The following SYNJ1 variants were observed in gnomAD, a reference collection of about 807,000 sequenced individuals.
The protein encoded by SYNJ1 is polyphosphatidylinositol phosphatase SYNJ1.
In SYNJ1, 78 loss-of-function variants were observed where a neutral mutation model predicts 168.2. That is an observed-to-expected ratio of 0.46 (90% CI 0.39 to 0.56). The LOEUF (loss-of-function observed/expected upper bound fraction) is 0.56, where lower values mean the gene tolerates loss of function less well. Ranked by LOEUF, SYNJ1 falls within the 20% of genes least tolerant of loss-of-function variation. The pLI is 0.00. For missense variants in SYNJ1, 1,303 were observed against 1,597.6 expected (o/e 0.82, Z 3.14); for synonymous variants, 539 against 548.6 (o/e 0.98, Z 0.24).
intron 18 of SYNJ1, among the ~76,000 whole-genome samples, chr21:32,660,819 G>T (rs991677065): frequency 6.6e-6 from 1 of 152,194 alleles, no homozygotes; most frequent in African/African-American, 2.4e-5. Flanking sequence ...CTAGGGGAAA[G>T]GACATAAAAT....
At chr21:32,694,205 A>C (rs923656247) in intron 6 of SYNJ1, 23 bp downstream of exon 6, 1 of 1,506,672 alleles carries the variant, frequency 6.6e-7, no homozygotes, top group Non-Finnish European at 8.8e-7. Context: ...AAAAACAAAA[A>C]TAACTGAATG....
At chr21:32,660,619 T>G (rs528964203) in intron 18 of SYNJ1, among the ~76,000 whole-genome samples, 3 of 152,208 alleles carry the variant, frequency 2.0e-5, no homozygotes, top group Admixed American at 6.5e-5. Context: ...GGTGGTAACT[T>G]TGAACGCTGT....
intron 5 of SYNJ1, 41 bp from the exon 6 acceptor site, chr21:32,694,352 A>C (rs2042130428): frequency 6.8e-7 from 1 of 1,460,538 alleles, no homozygotes; most frequent in Non-Finnish European, 9.2e-7. Context: ...TTCCACAGAA[A>C]AGTTGTTACA....
chr21:32,715,127 G>A (rs1255592262), intron 2 of SYNJ1, among the ~76,000 whole-genome samples: 1 of 152,060 alleles, frequency 6.6e-6, no homozygotes, highest in Non-Finnish European at 1.5e-5. Context: ...GAGCACTAAG[G>A]TACAACCAGC....
chr21:32,693,372 C>T (rs1008496894), intron 6 of SYNJ1, among the ~76,000 whole-genome samples: 1 of 152,146 alleles, frequency 6.6e-6, no homozygotes. Flanking sequence ...AGAATTTTTG[C>T]AGAGCAGTAG....
chr21:32,723,568 A>C (rs937736892), intron 2 of SYNJ1, among the ~76,000 whole-genome samples: 6 of 152,210 alleles, frequency 3.9e-5, no homozygotes, highest in African/African-American at 1.4e-4. Flanking sequence ...CTGTAATCCC[A>C]ATACTTTGGG....
At chr21:32,709,292 C>T (rs1056478301) in intron 2 of SYNJ1, among the ~76,000 whole-genome samples, 4 of 151,868 alleles carry the variant, frequency 2.6e-5, no homozygotes, top group Non-Finnish European at 5.9e-5. Flanking sequence ...TTGAAACCAG[C>T]ATGGTGAAAC....
At chr21:32,671,740 C>T (rs1225463188) in intron 14 of SYNJ1, among the ~76,000 whole-genome samples, 1 of 152,072 alleles carries the variant, frequency 6.6e-6, no homozygotes, top group African/African-American at 2.4e-5. Context: ...ATCACAACTT[C>T]AAGTTAGGTT....
At chr21:32,711,649 C>G (rs1348297239) in intron 2 of SYNJ1, among the ~76,000 whole-genome samples, 3 of 152,162 alleles carry the variant, frequency 2.0e-5, no homozygotes, top group African/African-American at 7.2e-5. Flanking sequence ...AATACTATGT[C>G]ATGTGACATA....
At chr21:32,724,540 TC>T (rs1437076616) in intron 2 of SYNJ1, among the ~76,000 whole-genome samples, 1 of 152,166 alleles carries the variant, frequency 6.6e-6, no homozygotes, top group East Asian at 1.9e-4. Flanking sequence ...AGAAGATTCT[TC>T]AGGTAGATGA....
At chr21:32,679,850 C>A (rs1237915818) in intron 11 of SYNJ1, among the ~76,000 whole-genome samples, 1 of 151,572 alleles carries the variant, frequency 6.6e-6, no homozygotes, top group East Asian at 1.9e-4. Context: ...CAAAAGGAAC[C>A]CAGAGAAAAG....
chr21:32,687,889 T>C (rs2041886840), intron 7 of SYNJ1, among the ~76,000 whole-genome samples: 1 of 152,186 alleles, frequency 6.6e-6, no homozygotes, highest in African/African-American at 2.4e-5. Flanking sequence ...GATTTTGGTA[T>C]GTGAGGGTAG....
intron 27 of SYNJ1, 65 bp from the exon 28 acceptor site, chr21:32,642,198 T>C (rs1208827255): frequency 3.2e-6 from 5 of 1,574,160 alleles, no homozygotes; most frequent in Non-Finnish European, 4.4e-6. Flanking sequence ...TTGCATAACA[T>C]CAGCTTGCTG....
At chr21:32,646,671 G>A (rs2040087079) in intron 23 of SYNJ1, 69 bp from the exon 24 acceptor site, 1 of 1,173,890 alleles carries the variant, frequency 8.5e-7, no homozygotes, top group African/African-American at 1.5e-5. Context: ...TTCACCTTAG[G>A]TTTTAAAAAG....
intron 19 of SYNJ1, among the ~76,000 whole-genome samples, chr21:32,657,434 A>G (rs913045305): frequency 2.0e-5 from 3 of 152,392 alleles, no homozygotes; most frequent in Admixed American, 6.5e-5. Context: ...GCAAACCACT[A>G]AAGTTAGCTT....
chr21:32,677,736 T>G (rs1297637655), intron 12 of SYNJ1, among the ~76,000 whole-genome samples: 1 of 152,190 alleles, frequency 6.6e-6, no homozygotes, highest in African/African-American at 2.4e-5. Context: ...CTGTCCGTAA[T>G]TAACTACCTT....
At chr21:32,644,677 T>C (rs2039988194) in intron 26 of SYNJ1, among the ~76,000 whole-genome samples, 1 of 152,212 alleles carries the variant, frequency 6.6e-6, no homozygotes, top group African/African-American at 2.4e-5. Context: ...AATCAGATAC[T>C]TGGGAAATGT....
chr21:32,709,737 T>G (rs2042758978), intron 2 of SYNJ1, among the ~76,000 whole-genome samples: 2 of 151,726 alleles, frequency 1.3e-5, no homozygotes, highest in South Asian at 2.1e-4. Flanking sequence ...AGGCTGGTCT[T>G]GAACTCCTGA....
chr21:32,668,804 G>A (rs1172267773), intron 15 of SYNJ1, among the ~76,000 whole-genome samples: 1 of 152,090 alleles, frequency 6.6e-6, no homozygotes, highest in Non-Finnish European at 1.5e-5. Flanking sequence ...CATCTTTGAG[G>A]GTTCCCAAAG....
Sources: gnomAD v4.1 joint callset for allele counts (sites outside exome capture counted in the v4.1 genomes callset) on GRCh38, gnomAD v4.1.1 for gene constraint, MANE v1.5 for transcripts, NCBI Gene and HGNC (gene_info 2026-07-23, HGNC 2026-07-21) for gene names.